PTPRD: variants seen among roughly 807,000 people sequenced by gnomAD.
PTPRD encodes receptor-type tyrosine-protein phosphatase delta.
Under a neutral mutation model 214.5 loss-of-function variants are expected in PTPRD, and 34 were observed. The ratio of observed to expected loss-of-function variants is 0.16; its 90% CI spans 0.12 to 0.21. The LOEUF is 0.21. Among genes scored for constraint, PTPRD ranks in the 10% least tolerant of loss-of-function variants. The pLI, the probability that PTPRD is intolerant of heterozygous loss-of-function variation, is 1.00. For synonymous variants in PTPRD, 1,128 were observed against 845.7 expected (o/e 1.33, Z -5.79); for missense variants, 2,545 against 2,398.7 (o/e 1.06, Z -1.27).
At chr9:9,422,555 C>T (rs1343712311) in intron 8 of PTPRD, among the ~76,000 whole-genome samples, 2 of 152,092 alleles carry the variant, frequency 1.3e-5, no homozygotes, top group East Asian at 3.9e-4. Flanking sequence ...GTAAGACATA[C>T]ATAAATACTG....
intron 4 of PTPRD, among the ~76,000 whole-genome samples, chr9:9,946,599 T>G (rs955077224): frequency 7.2e-5 from 11 of 152,070 alleles, no homozygotes; most frequent in Admixed American, 6.6e-5. Context: ...GGGAAACATA[T>G]TCTTTCCTTA....
Position 9,157,616 on chromosome 9 carries a change from C to G in PTPRD, c.-143+25688G>C, listed in dbSNP as rs1011812353. Among the ~76,000 whole-genome samples, 15 of 152,134 alleles carry G rather than the reference C, an allele frequency of 9.9e-5. 1 individual carries two copies. Among genetic ancestry groups the G allele is most frequent in the Non-Finnish European group, 2.1e-4 (14 of 68,018 alleles). On this transcript the variant is annotated intron_variant, in intron 10 of 45. Coordinates refer to ENST00000381196, the MANE Select transcript of PTPRD (RefSeq NM_002839.4). ...CCAAAAATGAGGAAGGAGATTGAAT[C>G]AATATTCAAACTTCTCCCATCAAAG... is the stretch of plus-strand genomic sequence containing the variant.
intron 12 of PTPRD, among the ~76,000 whole-genome samples, chr9:8,703,567 T>C (rs2098135585): frequency 1.3e-5 from 2 of 152,174 alleles, no homozygotes; most frequent in South Asian, 4.1e-4. Context: ...TCCCTGGATT[T>C]TCCTCCAACT....
intron 4 of PTPRD, among the ~76,000 whole-genome samples, chr9:10,032,411 A>G (rs1390214486): frequency 6.6e-6 from 1 of 152,174 alleles, no homozygotes; most frequent in East Asian, 1.9e-4. Flanking sequence ...ATTCTATGGG[A>G]CACAAGTTAT....
At chr9:9,157,853 C>A (rs1465804871) in intron 10 of PTPRD, among the ~76,000 whole-genome samples, 2 of 152,180 alleles carry the variant, frequency 1.3e-5, no homozygotes, top group Non-Finnish European at 2.9e-5. Flanking sequence ...ACTAGCTATT[C>A]TTCCTGATGC....
At chr9:9,487,425 G>A (rs537508814) in intron 8 of PTPRD, among the ~76,000 whole-genome samples, 107 of 152,232 alleles carry the variant, frequency 7.0e-4, no homozygotes, top group Middle Eastern at 6.8e-3. Flanking sequence ...ATTCCATGGT[G>A]TATATGTGCC....
intron 8 of PTPRD, among the ~76,000 whole-genome samples, chr9:9,485,921 G>A (rs1203335151): frequency 6.6e-6 from 1 of 152,008 alleles, no homozygotes; most frequent in African/African-American, 2.4e-5. Context: ...GGGAGGCCAA[G>A]GCAGGTGGAT....
chr9:9,293,322 G>C (rs1344837422), intron 9 of PTPRD, among the ~76,000 whole-genome samples: 1 of 149,188 alleles, frequency 6.7e-6, no homozygotes, highest in Non-Finnish European at 1.5e-5. Context: ...TCCAGATTTG[G>C]CCATTGGGAG....
chr9:8,335,337 CA>C (rs1385656081), intron 43 of PTPRD, among the ~76,000 whole-genome samples: 2 of 152,068 alleles, frequency 1.3e-5, no homozygotes, highest in Non-Finnish European at 2.9e-5. Flanking sequence ...GCTTGTTCAA[CA>C]TACACAAATC....
chr9:9,010,247 G>C (rs906166930), intron 11 of PTPRD, among the ~76,000 whole-genome samples: 1 of 152,170 alleles, frequency 6.6e-6, no homozygotes, highest in Non-Finnish European at 1.5e-5. Flanking sequence ...AAGCCTAAAA[G>C]AAAGTAAGAC....
chr9:9,812,985 TAGAAGTCTATAAGAGGAG>T (rs142211981), intron 5 of PTPRD, among the ~76,000 whole-genome samples: 1,908 of 152,100 alleles, frequency 0.013, 36 homozygotes, highest in African/African-American at 0.043. Context: ...GGTAAGAAAC[TAGAAGTCTATAAGAGGAG>T]AAAATAGGAA....
At chr9:8,899,669 G>C (rs1297082294) in intron 11 of PTPRD, among the ~76,000 whole-genome samples, 1 of 152,206 alleles carries the variant, frequency 6.6e-6, no homozygotes, top group African/African-American at 2.4e-5. Flanking sequence ...GACTGGAGTA[G>C]TTGCCTGGAA....
chr9:10,505,704 C>T (rs1325323858), intron 2 of PTPRD, among the ~76,000 whole-genome samples: 4 of 151,388 alleles, frequency 2.6e-5, no homozygotes, highest in Non-Finnish European at 5.9e-5. Context: ...AAAAAAACTG[C>T]AGATTAAACC....
At chr9:8,796,197 G>A (rs921166222) in intron 11 of PTPRD, among the ~76,000 whole-genome samples, 2 of 152,014 alleles carry the variant, frequency 1.3e-5, no homozygotes. Context: ...ATAGATGAAG[G>A]GATAATTAGA....
intron 7 of PTPRD, among the ~76,000 whole-genome samples, chr9:9,683,732 A>G (rs73641342): frequency 6.6e-6 from 1 of 151,750 alleles, no homozygotes; most frequent in African/African-American, 2.4e-5. Flanking sequence ...ATAAAAAGGT[A>G]AGAATTCACC....
intron 12 of PTPRD, among the ~76,000 whole-genome samples, chr9:8,726,821 A>T (rs1240533923): frequency 3.1e-5 from 4 of 129,150 alleles, no homozygotes; most frequent in Middle Eastern, 4.1e-3. Flanking sequence ...AAAAAAAAAG[A>T]TTAGCTAAGC....
chr9:8,465,170 CA>C (rs1290858405), intron 32 of PTPRD, among the ~76,000 whole-genome samples: 1 of 151,904 alleles, frequency 6.6e-6, no homozygotes, highest in Admixed American at 6.6e-5. Context: ...ATGGTTCTAA[CA>C]CCATGATATT....
chr9:9,906,652 CAT>C (rs1243945384), intron 5 of PTPRD, among the ~76,000 whole-genome samples: 5 of 151,822 alleles, frequency 3.3e-5, no homozygotes, highest in Admixed American at 2.0e-4. Context: ...ACTCACCTAT[CAT>C]ATAATCAGCA....
At chr9:10,465,939 G>A (rs1208106613) in intron 2 of PTPRD, among the ~76,000 whole-genome samples, 1 of 152,074 alleles carries the variant, frequency 6.6e-6, no homozygotes, top group Non-Finnish European at 1.5e-5. Flanking sequence ...ATATAAAAAT[G>A]CATAGATTTA....
Sources: allele counts gnomAD v4.1 joint callset (sites outside exome capture counted in the v4.1 genomes callset), GRCh38; gene constraint gnomAD v4.1.1; transcripts MANE v1.5; gene names NCBI Gene and HGNC (gene_info 2026-07-23, HGNC 2026-07-21).